Variants in THOC5 observed in about 807,000 individuals in gnomAD.
THOC5 encodes the protein Fms-interacting protein.
THOC5 carries 43 observed loss-of-function variants against 92.9 expected under a neutral mutation model. The ratio of observed to expected loss-of-function variants is 0.46; its 90% CI spans 0.36 to 0.60. The LOEUF (loss-of-function observed/expected upper bound fraction) is 0.60, where lower values mean the gene tolerates loss of function less well. Ranked by LOEUF, THOC5 falls within the 20% of genes least tolerant of loss-of-function variation. The pLI, the probability that THOC5 is intolerant of heterozygous loss-of-function variation, is 0.00. For synonymous variants in THOC5, 296 were observed against 320.1 expected, an observed-to-expected ratio of 0.92 and a Z score of 0.80; for missense variants, 659 against 849.4, an observed-to-expected ratio of 0.78 and a Z score of 2.79.
chr22:29,526,913 G>A lies in THOC5; in HGVS notation c.1067-967C>T, dbSNP rs544593439. Among the ~76,000 whole-genome samples, 14 of 152,256 alleles carry A rather than the reference G, an allele frequency of 9.2e-5. No individual in the cohort carries two copies. In the East Asian group the frequency reaches 2.7e-3, roughly 29 times the overall value. On this transcript the variant is annotated intron_variant, in intron 11 of 19. Transcript: ENST00000490103. ...GCAACTAAATGCACTTTGAGACCCT[G>A]GCTTGGATCTTGGGACAGAAAAAGG...
chr22:29,531,108 G>A, intron 8 of THOC5: 2 of 1,188,716 alleles, frequency 1.7e-6, no homozygotes, highest in Non-Finnish European at 1.1e-6. Flanking sequence ...GATTTCATAT[G>A]AGCTGATGAT....
rs755339298 is a variant in THOC5, at chr22:29,544,444, T to A, written c.240+16A>T. The A allele has an allele frequency of 3.1e-6, 5 of 1,609,630 alleles. No homozygotes were observed. The highest frequency in any genetic ancestry group is 4.2e-6 in the Non-Finnish European group (5 of 1,178,148). ...TAAACCCACCAGGTTCACGGCCACC[T>A]GGTCCCACTCCTTACCACATCCTTG... On this transcript the variant is annotated intron_variant, in intron 3 of 19. Coordinates refer to ENST00000490103, the MANE Select transcript of THOC5 (RefSeq NM_003678.5).
intron 5 of THOC5, among the ~76,000 whole-genome samples, chr22:29,541,872 A>T (rs2063896000): frequency 1.5e-5 from 1 of 66,708 alleles, no homozygotes. Flanking sequence ...AAAAAAAAAA[A>T]AAAAAAAAAA....
chr22:29,529,128 G>T, intron 9 of THOC5, 34 bp downstream of exon 9: 1 of 1,608,456 alleles, frequency 6.2e-7, no homozygotes, highest in South Asian at 1.1e-5. Flanking sequence ...GTGACCTGGT[G>T]TCCCTGGGGG....
In THOC5 at chr22:29,512,029, T is replaced by C. The variant is rs2063233996; in HGVS notation, c.1789A>G (p.Asn597Asp). 6.2e-7 allele frequency: 1 copy of C among 1,613,992 alleles called. No individual in the cohort carries two copies. The highest frequency in any genetic ancestry group is 1.7e-5 in the Admixed American group (1 of 60,028). The change falls in exon 18 of 20, where the codon AAC (asparagine) becomes GAC (aspartate). Residue 597 changes from asparagine (N) to aspartate (D), a missense_variant. By Grantham distance (23) the Asn-to-Asp change is conservative. Coordinates refer to ENST00000490103, the MANE Select transcript of THOC5 (RefSeq NM_003678.5). ...KGEKTNSNDD[N>D]IRAMEGEVNV... Reference sequence around the variant, plus strand: ...CCCCAGCTGGGTCTTACCCGAATGTTGTCATCGTTGCTGTTGGTTTTCTCC... The same window carrying C: ...CCCCAGCTGGGTCTTACCCGAATGTCGTCATCGTTGCTGTTGGTTTTCTCC...
At chr22:29,525,762 C>A in intron 12 of THOC5, 76 bp downstream of exon 12, 1 of 1,219,502 alleles carries the variant, frequency 8.2e-7, no homozygotes, top group Admixed American at 1.8e-5. Flanking sequence ...GAGGGAGGAA[C>A]CGAGAGCAGC....
At position 29,542,844 on chromosome 22, in the gene THOC5, T is replaced by C. The variant is rs1354646535; in HGVS notation, c.452+15A>G. Reference sequence around the variant, plus strand: ...AAAGACCACATGTGCCAAAGCCCTGTCCTCCCAAACTCACTTAAACTCCAA... The same window carrying C: ...AAAGACCACATGTGCCAAAGCCCTGCCCTCCCAAACTCACTTAAACTCCAA... On this transcript the variant is annotated intron_variant, in intron 5 of 19. Transcript: ENST00000490103. The C allele has an allele frequency of 2.5e-6, 4 of 1,588,908 alleles. No homozygotes were observed. In the Admixed American group the frequency reaches 6.7e-5, roughly 27 times the overall value.
intron 17 of THOC5, among the ~76,000 whole-genome samples, chr22:29,512,381 A>G (rs533308805): frequency 6.6e-6 from 1 of 151,944 alleles, no homozygotes; most frequent in South Asian, 2.1e-4. Flanking sequence ...AAAGCTGCGG[A>G]CTCCCCAGAG....
intron 18 of THOC5, among the ~76,000 whole-genome samples, chr22:29,511,688 G>A (rs400472): frequency 1.3e-5 from 2 of 152,262 alleles, no homozygotes; most frequent in African/African-American, 4.8e-5. Context: ...AACAACTGCA[G>A]TGATGTCATT....
chr22:29,526,374 T>C (rs1037183521), intron 11 of THOC5, among the ~76,000 whole-genome samples: 1 of 151,750 alleles, frequency 6.6e-6, no homozygotes, highest in Non-Finnish European at 1.5e-5. Context: ...CTACTAAAAA[T>C]ACAAAAAATC....
At chr22:29,545,456 T>A (rs1482533673) in intron 2 of THOC5, among the ~76,000 whole-genome samples, 1 of 152,134 alleles carries the variant, frequency 6.6e-6, no homozygotes, top group African/African-American at 2.4e-5. Flanking sequence ...CAAAATCTCA[T>A]CTGAGACAAG....
intron 18 of THOC5, 56 bp downstream of exon 18, chr22:29,511,965 G>A: frequency 6.7e-7 from 1 of 1,489,794 alleles, no homozygotes; most frequent in Non-Finnish European, 9.3e-7. Flanking sequence ...TTCTGCCACG[G>A]CCACCTCCCC....
rs372130501 is a variant in THOC5, at chr22:29,545,367, A to G, written c.97-764T>C. On this transcript the variant is annotated intron_variant, in intron 2 of 19. Coordinates refer to ENST00000490103, the MANE Select transcript of THOC5 (RefSeq NM_003678.5). Reference sequence around the variant, plus strand: ...GCCCCTCCGAATCTCATGTCCTCACATTTCAAAACCAATCATGCCTTCCCA... The same window carrying G: ...GCCCCTCCGAATCTCATGTCCTCACGTTTCAAAACCAATCATGCCTTCCCA... Among the ~76,000 whole-genome samples the G allele has an allele frequency of 2.0e-5, 3 of 152,116 alleles. No individual in the cohort carries two copies. The East Asian group carries it at 5.8e-4, about 29-fold the overall frequency.
At chr22:29,526,025 G>A (rs1023071682) in intron 11 of THOC5, 79 bp from the exon 12 acceptor site, 4 of 518,804 alleles carry the variant, frequency 7.7e-6, no homozygotes, top group South Asian at 4.7e-5. Context: ...GGGTAGTAAG[G>A]TGGGGGGGTC....
chr22:29,552,942 C>T (rs992536831), intron 1 of THOC5, among the ~76,000 whole-genome samples: 1 of 152,198 alleles, frequency 6.6e-6, no homozygotes, highest in Non-Finnish European at 1.5e-5. Flanking sequence ...GCCTTACCCC[C>T]AACCCCGTGC....
chr22:29,529,949 C>T (rs2063619170), intron 8 of THOC5, among the ~76,000 whole-genome samples: 1 of 152,134 alleles, frequency 6.6e-6, no homozygotes, highest in African/African-American at 2.4e-5. Flanking sequence ...CAGAGACCAG[C>T]CTGGCCAACA....
chr22:29,531,774 C>T, intron 8 of THOC5, 57 bp downstream of exon 8: 8 of 1,578,698 alleles, frequency 5.1e-6, no homozygotes, highest in Non-Finnish European at 6.9e-6. Context: ...AACTGATTCA[C>T]TCGGCCACAG....
Position 29,531,920 on chromosome 22 carries a change from T to C in THOC5, c.758A>G (p.Gln253Arg). Residue 253 changes from glutamine to arginine, a missense_variant, in exon 8 of 20, where the codon CAG becomes CGG. By Grantham distance (43) the Gln-to-Arg change is conservative. Transcript: ENST00000490103. The stretch of plus-strand genomic sequence containing the variant: ...GGCTGTCTCATACTGCTTGTGAGCC[T>C]GGTCGAATGGCATAAACAGGTACTC... Reference protein sequence around the residue: ...VQEYLFMPFDQAHKQYETARH... With the variant: ...VQEYLFMPFDRAHKQYETARH... 6.2e-7 allele frequency: 1 copy of C among 1,614,180 alleles called. No homozygotes were observed.
rs776476931 is a variant in THOC5 at position 29,517,126 on chromosome 22, G to C, written c.1594-10C>G. 5.6e-6 allele frequency: 9 copies of C among 1,613,962 alleles called. No homozygotes were observed. Among genetic ancestry groups the C allele is most frequent in the Non-Finnish European group, 7.6e-6 (9 of 1,179,974 alleles). ...TGGTGAAGTGCAGCTCCTAGAAGAG[G>C]TACCACAGACAAGAGGTGAACTGCT... On this transcript the variant is annotated splice_polypyrimidine_tract_variant and intron_variant, in intron 16 of 19. Coordinates refer to ENST00000490103, the MANE Select transcript of THOC5 (RefSeq NM_003678.5).
Sources: gnomAD v4.1 joint callset for allele counts (sites outside exome capture counted in the v4.1 genomes callset) on GRCh38, gnomAD v4.1.1 for gene constraint, MANE v1.5 for transcripts, NCBI Gene and HGNC (gene_info 2026-07-23, HGNC 2026-07-21) for gene names.